DSCAM: variants seen among roughly 807,000 people sequenced by gnomAD.
DSCAM encodes cell adhesion molecule DSCAM.
In DSCAM, 47 loss-of-function variants were observed where a neutral mutation model predicts 217.7. The ratio of observed to expected loss-of-function variants is 0.22; its 90% confidence interval spans 0.17 to 0.28. The LOEUF (loss-of-function observed/expected upper bound fraction) is 0.28. DSCAM is among the 10% of genes least tolerant of loss of function. The pLI is 1.00. For synonymous variants in DSCAM, 1,056 were observed against 1,015.3 expected (o/e 1.04, Z -0.76); for missense variants, 2,080 against 2,618.3 (o/e 0.79, Z 4.49).
chr21:40,142,757 G>A, intron 17 of DSCAM, 53 bp from the exon 18 acceptor site: 5 of 1,457,020 alleles, frequency 3.4e-6, no homozygotes, highest in Admixed American at 2.3e-5. Context: ...TATGAGCAAA[G>A]CAATAACCGA....
At chr21:40,661,267 G>T (rs1466537348) in intron 3 of DSCAM, among the ~76,000 whole-genome samples, 2 of 152,208 alleles carry the variant, frequency 1.3e-5, no homozygotes, top group African/African-American at 4.8e-5. Context: ...TATAGAAAAT[G>T]TGAGTGGGAC....
At chr21:40,746,375 C>CA (rs3071028) in intron 1 of DSCAM, among the ~76,000 whole-genome samples, 19,243 of 141,850 alleles carry the variant, frequency 0.14, 1,518 homozygotes, top group African/African-American at 0.22. Context: ...CAAATTGAAG[C>CA]AAAAAAAAAA....
intron 1 of DSCAM, among the ~76,000 whole-genome samples, chr21:40,745,847 C>A (rs2091168727): frequency 6.6e-6 from 1 of 151,868 alleles, no homozygotes; most frequent in African/African-American, 2.4e-5. Flanking sequence ...GTAATTACAA[C>A]AATTAGTTAA....
intron 11 of DSCAM, among the ~76,000 whole-genome samples, chr21:40,191,690 G>C (rs1483264009): frequency 6.6e-6 from 1 of 152,116 alleles, no homozygotes; most frequent in Non-Finnish European, 1.5e-5. Context: ...AGTTCTGGAG[G>C]CTGGAATTCC....
chr21:40,428,127 C>T (rs1305822998), intron 3 of DSCAM, among the ~76,000 whole-genome samples: 3 of 152,098 alleles, frequency 2.0e-5, no homozygotes, highest in African/African-American at 7.2e-5. Flanking sequence ...ATGTTCAACA[C>T]CAAAGCTCAT....
intron 11 of DSCAM, among the ~76,000 whole-genome samples, chr21:40,264,768 C>T (rs532627494): frequency 1.3e-5 from 2 of 152,306 alleles, no homozygotes; most frequent in East Asian, 3.9e-4. Flanking sequence ...AAAACTACCT[C>T]TGTTAGAAAA....
rs2088227821 is a variant in DSCAM at position 40,019,738 on chromosome 21, C to T, written c.5687-6352G>A. Among the ~76,000 whole-genome samples, 4 of 152,180 alleles carry T rather than the reference C, an allele frequency of 2.6e-5. 1 individual carries two copies. Among genetic ancestry groups the T allele is most frequent in the Admixed American group, 1.3e-4 (2 of 15,290 alleles). ...ACTGGGTGCAAATGCCCTCGGCATC[C>T]CTGTGTGTAAATCTATCATTGCCAT... On this transcript the variant is annotated intron_variant, in intron 32 of 32. Coordinates refer to ENST00000400454, the MANE Select transcript of DSCAM (RefSeq NM_001389.5).
chr21:40,737,859 C>G (rs1178560739), intron 1 of DSCAM, among the ~76,000 whole-genome samples: 1 of 152,196 alleles, frequency 6.6e-6, no homozygotes, highest in African/African-American at 2.4e-5. Context: ...CAGCCCATAT[C>G]AAGGTGAGGT....
At chr21:40,781,818 A>G (rs1251381130) in intron 1 of DSCAM, among the ~76,000 whole-genome samples, 1 of 152,056 alleles carries the variant, frequency 6.6e-6, no homozygotes, top group Non-Finnish European at 1.5e-5. Flanking sequence ...TAAATGGTCA[A>G]GCTACTGCAT....
At chr21:40,133,715 T>C (rs2090178057) in intron 19 of DSCAM, 139 bp downstream of exon 19, 4 of 945,050 alleles carry the variant, frequency 4.2e-6, no homozygotes, top group South Asian at 2.2e-5. Flanking sequence ...ATGGTCTGAA[T>C]TGCACTGGGA....
intron 3 of DSCAM, among the ~76,000 whole-genome samples, chr21:40,446,559 C>T (rs1429484264): frequency 6.6e-6 from 1 of 152,078 alleles, no homozygotes; most frequent in East Asian, 1.9e-4. Flanking sequence ...AGAGCGATTC[C>T]CAGTCAGTGT....
At chr21:40,654,134 C>T (rs2146365533) in intron 3 of DSCAM, among the ~76,000 whole-genome samples, 1 of 152,102 alleles carries the variant, frequency 6.6e-6, no homozygotes, top group East Asian at 1.9e-4. Context: ...AAACCTCACA[C>T]CCATTACATA....
At chr21:40,787,075 A>G (rs987122509) in intron 1 of DSCAM, among the ~76,000 whole-genome samples, 4 of 152,132 alleles carry the variant, frequency 2.6e-5, no homozygotes, top group Admixed American at 1.3e-4. Flanking sequence ...GCTTTTTTCT[A>G]TTTTGCAAAG....
At chr21:40,168,794 C>T (rs2090624518) in intron 15 of DSCAM, among the ~76,000 whole-genome samples, 2 of 152,060 alleles carry the variant, frequency 1.3e-5, no homozygotes, top group Non-Finnish European at 2.9e-5. Flanking sequence ...GATGTAGTTG[C>T]TAAGTTGATG....
intron 1 of DSCAM, among the ~76,000 whole-genome samples, chr21:40,801,691 G>T (rs1244419962): frequency 6.6e-6 from 1 of 152,180 alleles, no homozygotes; most frequent in Non-Finnish European, 1.5e-5. Context: ...CCCTAGGTAT[G>T]GCTTGTGGCA....
At chr21:40,556,001 C>T (rs1268160700) in intron 3 of DSCAM, among the ~76,000 whole-genome samples, 1 of 152,046 alleles carries the variant, frequency 6.6e-6, no homozygotes, top group Non-Finnish European at 1.5e-5. Context: ...TTAGAAGATA[C>T]TGTTAAATGT....
chr21:40,380,920 G>A (rs999990269), intron 3 of DSCAM, among the ~76,000 whole-genome samples: 10 of 151,886 alleles, frequency 6.6e-5, no homozygotes, highest in South Asian at 2.1e-4. Flanking sequence ...AAAATTAGCC[G>A]GGCGTGGTGG....
At chr21:40,789,771 G>A (rs1050681487) in intron 1 of DSCAM, among the ~76,000 whole-genome samples, 2 of 152,018 alleles carry the variant, frequency 1.3e-5, no homozygotes, top group Non-Finnish European at 2.9e-5. Context: ...TAGCCAGGAT[G>A]GTCTCGATCT....
intron 3 of DSCAM, among the ~76,000 whole-genome samples, chr21:40,572,552 T>C (rs947588660): frequency 6.6e-6 from 1 of 152,116 alleles, no homozygotes; most frequent in Admixed American, 6.6e-5. Context: ...GAAAATAAAA[T>C]GTTGAAAACT....
Sources: allele counts gnomAD v4.1 joint callset (sites outside exome capture counted in the v4.1 genomes callset), GRCh38; gene constraint gnomAD v4.1.1; transcripts MANE v1.5; gene names NCBI Gene and HGNC (gene_info 2026-07-23, HGNC 2026-07-21).